The following SPAG16 variants were observed in gnomAD, a reference collection of about 807,000 sequenced individuals.
SPAG16 encodes the protein sperm-associated antigen 16 protein.
Under a neutral mutation model 80.4 loss-of-function variants are expected in SPAG16, and 86 were observed. The observed-to-expected ratio is 1.07, with a 90% CI of 0.90 to 1.28. The LOEUF (loss-of-function observed/expected upper bound fraction) is 1.28, where lower values mean the gene tolerates loss of function less well. Among genes scored for constraint, SPAG16 ranks in the 50% most tolerant of loss-of-function variants. SPAG16 has a pLI of 0.00. For synonymous variants in SPAG16, 294 were observed against 265.9 expected (o/e 1.11, Z -1.03); for missense variants, 870 against 765.3 (o/e 1.14, Z -1.61).
chr2:214,177,906 T>G (rs28583878), intron 15 of SPAG16, among the ~76,000 whole-genome samples: 1 of 92,222 alleles, frequency 1.1e-5, no homozygotes, highest in Non-Finnish European at 1.9e-5. Flanking sequence ...TATACATATA[T>G]ATATATATAC....
chr2:213,796,197 C>T (rs912427085), intron 10 of SPAG16, among the ~76,000 whole-genome samples: 1 of 151,846 alleles, frequency 6.6e-6, no homozygotes, highest in African/African-American at 2.4e-5. Flanking sequence ...AAAATTTGCC[C>T]ATTTTAATTC....
Position 213,898,456 on chromosome 2 carries a change from T to G in SPAG16, c.1215-31504T>G, listed in dbSNP as rs117326014. ...TCTATAGAGACATGTGAAATTCAGA[T>G]GAAAACTGTGATCTTTTCTGGAGTT... On this transcript the variant is annotated intron_variant, in intron 11 of 15. Transcript: ENST00000331683. 8.6e-4 allele frequency among the ~76,000 whole-genome samples: 131 copies of G among 152,302 alleles called. 2 individuals carry two copies. In the East Asian group the frequency reaches 0.022, roughly 26 times the overall value.
intron 10 of SPAG16, among the ~76,000 whole-genome samples, chr2:213,727,326 A>T (rs7597513): frequency 0.4 from 59,953 of 151,752 alleles, 13,786 homozygotes; most frequent in Non-Finnish European, 0.53. Context: ...CAGTTTTTTT[A>T]AAAAAAAGTT....
rs185664943 is a variant in SPAG16, at chr2:213,577,067, T to G, written c.1070+86977T>G. Among the ~76,000 whole-genome samples the G allele has an allele frequency of 2.1e-3, 317 of 152,208 alleles. 1 individual carries two copies. The highest frequency in any genetic ancestry group is 7.4e-3 in the African/African-American group (307 of 41,560). ...CACTTGTACCCCTGACCTTAAAATATAAGTTAAAAACAACCCACAAAATTT... is the reference window on the plus strand; with the variant it reads ...CACTTGTACCCCTGACCTTAAAATAGAAGTTAAAAACAACCCACAAAATTT... On this transcript the variant is annotated intron_variant, in intron 10 of 15. Transcript: ENST00000331683.
intron 15 of SPAG16, among the ~76,000 whole-genome samples, chr2:214,195,551 G>A (rs1193682189): frequency 1.3e-5 from 2 of 151,870 alleles, no homozygotes; most frequent in South Asian, 2.1e-4. Context: ...CAAACTTTGC[G>A]CATAAAACTG....
chr2:213,761,739 G>A (rs1467411785), intron 10 of SPAG16, among the ~76,000 whole-genome samples: 5 of 151,886 alleles, frequency 3.3e-5, no homozygotes, highest in Non-Finnish European at 5.9e-5. Flanking sequence ...GGTGGCGGGC[G>A]CCTGTAGTCC....
At chr2:213,589,037 G>A (rs1254859598) in intron 10 of SPAG16, among the ~76,000 whole-genome samples, 3 of 151,890 alleles carry the variant, frequency 2.0e-5, no homozygotes, top group Non-Finnish European at 4.4e-5. Context: ...ATTTATATTA[G>A]TCAATCATTA....
chr2:213,820,814 T>C (rs1235403492), intron 10 of SPAG16, among the ~76,000 whole-genome samples: 2 of 152,102 alleles, frequency 1.3e-5, no homozygotes, highest in East Asian at 1.9e-4. Flanking sequence ...ACTAATTGTA[T>C]AAAATTAGTA....
chr2:213,531,359 A>AGTGTGTGTGTGTGTGT (rs56011234), intron 10 of SPAG16, among the ~76,000 whole-genome samples: 70 of 142,120 alleles, frequency 4.9e-4, no homozygotes, highest in South Asian at 1.6e-3. Context: ...AAAAGATGTG[A>AGTGTGTGTGTGTGTGT]GTGTGTGTGT....
chr2:214,130,553 A>C (rs1559828009), intron 14 of SPAG16, among the ~76,000 whole-genome samples: 1 of 152,200 alleles, frequency 6.6e-6, no homozygotes, highest in Non-Finnish European at 1.5e-5. Flanking sequence ...GTGGAGTAGT[A>C]AGCTTCAATT....
chr2:214,292,739 C>T (rs537401555), intron 15 of SPAG16, among the ~76,000 whole-genome samples: 2 of 152,182 alleles, frequency 1.3e-5, no homozygotes, highest in Non-Finnish European at 2.9e-5. Context: ...CCTGTATCCT[C>T]ACATTGATAT....
intron 13 of SPAG16, among the ~76,000 whole-genome samples, chr2:214,070,656 A>G (rs923576300): frequency 2.6e-5 from 4 of 152,176 alleles, no homozygotes; most frequent in African/African-American, 9.6e-5. Flanking sequence ...AGCTGATCAT[A>G]TAGATTCCCT....
chr2:214,290,218 A>G lies in SPAG16; in HGVS notation c.1721-119922A>G, dbSNP rs78887503. Among the ~76,000 whole-genome samples, 690 of 152,244 alleles carry G rather than the reference A, an allele frequency of 4.5e-3. 4 individuals carry two copies. The highest frequency in any genetic ancestry group is 0.016 in the African/African-American group (655 of 41,558). Reference sequence around the variant, plus strand: ...AGTATTTTAGCATATAGTTGTGCATAATGATCTCTGATGATCTTTTGTATT... The same window carrying G: ...AGTATTTTAGCATATAGTTGTGCATGATGATCTCTGATGATCTTTTGTATT... On this transcript the variant is annotated intron_variant, in intron 15 of 15. Transcript: ENST00000331683.
At chr2:214,011,907 T>C (rs951569757) in intron 12 of SPAG16, among the ~76,000 whole-genome samples, 4 of 152,140 alleles carry the variant, frequency 2.6e-5, no homozygotes, top group Non-Finnish European at 4.4e-5. Context: ...TTTTGCTTCT[T>C]ACAGTTCATA....
intron 10 of SPAG16, among the ~76,000 whole-genome samples, chr2:213,789,649 C>T (rs1034837107): frequency 4.6e-5 from 7 of 151,874 alleles, no homozygotes; most frequent in Non-Finnish European, 1.0e-4. Context: ...TTCACTCACA[C>T]GATGTAATGG....
chr2:213,615,614 A>G (rs910620585), intron 10 of SPAG16, among the ~76,000 whole-genome samples: 1 of 151,948 alleles, frequency 6.6e-6, no homozygotes, highest in African/African-American at 2.4e-5. Context: ...AAAAACAATT[A>G]AAAAAAACCC....
At chr2:213,617,010 T>C in intron 10 of SPAG16, among the ~76,000 whole-genome samples, 1 of 152,240 alleles carries the variant, frequency 6.6e-6, no homozygotes, top group East Asian at 1.9e-4. Context: ...TTTGTTTGCA[T>C]GCACAGGTCA....
chr2:213,290,053 G>T (rs1389948811), intron 1 of SPAG16, among the ~76,000 whole-genome samples: 3 of 152,218 alleles, frequency 2.0e-5, no homozygotes, highest in Non-Finnish European at 2.9e-5. Flanking sequence ...GTTTCTGGCA[G>T]TTGTGTTCTC....
intron 10 of SPAG16, among the ~76,000 whole-genome samples, chr2:213,574,440 A>G (rs182547100): frequency 2.2e-4 from 34 of 152,174 alleles, no homozygotes; most frequent in Admixed American, 1.1e-3. Context: ...GTGGTACTAG[A>G]GTTGTTGACA....
Sources: gnomAD v4.1 joint callset for allele counts (sites outside exome capture counted in the v4.1 genomes callset) on GRCh38, gnomAD v4.1.1 for gene constraint, MANE v1.5 for transcripts, NCBI Gene and HGNC (gene_info 2026-07-23, HGNC 2026-07-21) for gene names.